Variants in GRIK2 observed in about 807,000 individuals in gnomAD.
GRIK2 encodes the protein glutamate receptor ionotropic, kainate 2.
A neutral mutation model predicts 100.3 loss-of-function variants in GRIK2; 32 were observed. The ratio of observed to expected loss-of-function variants is 0.32; its 90% CI spans 0.24 to 0.43. The LOEUF is 0.43. GRIK2 is among the 20% of genes least tolerant of loss of function. The pLI, the probability that GRIK2 is intolerant of heterozygous loss-of-function variation, is 1.00. For missense variants in GRIK2, 843 were observed against 1,114.9 expected, an observed-to-expected ratio of 0.76 and a Z score of 3.47; for synonymous variants, 417 against 389.4, an observed-to-expected ratio of 1.07 and a Z score of -0.83.
intron 7 of GRIK2, among the ~76,000 whole-genome samples, chr6:101,743,277 T>C (rs886593194): frequency 6.6e-6 from 1 of 152,134 alleles, no homozygotes; most frequent in Non-Finnish European, 1.5e-5. Context: ...ATAAGAAAGT[T>C]AGGAAAAGTT....
chr6:101,744,558 A>ATCTATC lies in GRIK2; in HGVS notation c.952-55088_952-55087insTATCTC, dbSNP rs1554257130. The ATCTATC allele has an allele frequency of 1.0e-3, 115 of 115,004 alleles. 1 individual carries two copies. Among genetic ancestry groups the ATCTATC allele is most frequent in the African/African-American group, 4.0e-3 (108 of 26,982 alleles). 7.1% of individuals were successfully genotyped at this position (115,004 alleles called of 1,614,324 possible). ...TATATATATATATATATATATATAT[A>ATCTATC]TCACAATTTCTTTTTCTTTTTCTTT... On this transcript the variant is annotated intron_variant, in intron 7 of 16. Coordinates refer to ENST00000369134, the MANE Select transcript of GRIK2 (RefSeq NM_021956.5).
intron 2 of GRIK2, among the ~76,000 whole-genome samples, chr6:101,448,277 A>G (rs542148624): frequency 1.3e-5 from 2 of 151,812 alleles, no homozygotes; most frequent in African/African-American, 4.8e-5. Flanking sequence ...TTGATTTCAA[A>G]CATTAAACTG....
chr6:101,416,418 G>A (rs1776143079), intron 2 of GRIK2, among the ~76,000 whole-genome samples: 1 of 152,108 alleles, frequency 6.6e-6, no homozygotes, highest in Non-Finnish European at 1.5e-5. Flanking sequence ...GGTGAGGCTG[G>A]GGCAGGGGAG....
chr6:101,573,594 T>A (rs1412090293), intron 2 of GRIK2, among the ~76,000 whole-genome samples: 1 of 152,186 alleles, frequency 6.6e-6, no homozygotes, highest in African/African-American at 2.4e-5. Context: ...CATTTCTAAA[T>A]CTCTGGGGCT....
chr6:102,066,039 C>T, intron 16 of GRIK2: 1 of 478,268 alleles, frequency 2.1e-6, no homozygotes, highest in Non-Finnish European at 3.5e-6. Flanking sequence ...TAATTTAACA[C>T]ATAATACATA....
intron 11 of GRIK2, among the ~76,000 whole-genome samples, chr6:101,875,756 C>G (rs541456317): frequency 1.3e-5 from 2 of 151,844 alleles, no homozygotes; most frequent in Middle Eastern, 3.4e-3. Context: ...GCAAAGTTAA[C>G]AAGATATTGA....
chr6:101,454,464 G>A (rs1294158572), intron 2 of GRIK2, among the ~76,000 whole-genome samples: 3 of 152,054 alleles, frequency 2.0e-5, no homozygotes, highest in South Asian at 2.1e-4. Flanking sequence ...AGACCTTCCC[G>A]TCAGGGGAAG....
intron 2 of GRIK2, among the ~76,000 whole-genome samples, chr6:101,527,735 TA>T (rs1311822650): frequency 6.6e-6 from 1 of 152,134 alleles, no homozygotes; most frequent in East Asian, 1.9e-4. Context: ...GGCTATACTT[TA>T]GAGGTACAGT....
At chr6:101,803,601 G>A (rs1583181988) in intron 9 of GRIK2, among the ~76,000 whole-genome samples, 1 of 151,794 alleles carries the variant, frequency 6.6e-6, no homozygotes, top group East Asian at 1.9e-4. Flanking sequence ...AGTTGATAAT[G>A]GTAGAATTCA....
At chr6:101,753,181 G>A (rs1776898915) in intron 7 of GRIK2, among the ~76,000 whole-genome samples, 1 of 151,516 alleles carries the variant, frequency 6.6e-6, no homozygotes, top group African/African-American at 2.4e-5. Context: ...ACTTGGAGAG[G>A]CTGAGGCAGG....
At chr6:101,542,531 T>C (rs185265685) in intron 2 of GRIK2, among the ~76,000 whole-genome samples, 359 of 152,270 alleles carry the variant, frequency 2.4e-3, no homozygotes, top group African/African-American at 8.3e-3. Context: ...AGCATCTTCC[T>C]TTAAAACACA....
At chr6:102,025,611 C>A (rs1769652302) in intron 14 of GRIK2, among the ~76,000 whole-genome samples, 1 of 151,108 alleles carries the variant, frequency 6.6e-6, no homozygotes, top group Non-Finnish European at 1.5e-5. Flanking sequence ...TTAAATTGTA[C>A]CCCTAATTAA....
chr6:101,701,497 A>C (rs1235100594), intron 7 of GRIK2, among the ~76,000 whole-genome samples: 1 of 152,128 alleles, frequency 6.6e-6, no homozygotes, highest in Non-Finnish European at 1.5e-5. Flanking sequence ...GCAGCCTTCA[A>C]ATATTTATTC....
intron 16 of GRIK2, among the ~76,000 whole-genome samples, chr6:102,065,350 A>G (rs1435670123): frequency 1.3e-5 from 2 of 151,312 alleles, no homozygotes; most frequent in Admixed American, 6.6e-5. Context: ...TATAAACTTA[A>G]TATTATATGA....
Position 101,626,513 on chromosome 6 carries a change from A to G in GRIK2, c.417A>G (p.Ser139=). Residue 139 remains serine (S), a synonymous_variant, in exon 4 of 17, where the codon TCA becomes TCG. Transcript: ENST00000369134. ...HIQTRWKHQV[S]DNKDSFYVSL... is the part of the protein sequence containing the mutation. ...AGACCCGCTGGAAGCACCAGGTGTC[A>G]GACAACAAAGATTCCTTCTATGTCA... 6.2e-7 allele frequency: 1 copy of G among 1,614,074 alleles called. No homozygotes were observed. Among genetic ancestry groups the G allele is most frequent in the Non-Finnish European group, 8.5e-7 (1 of 1,179,950 alleles).
rs771572345 is a variant in GRIK2, at chr6:102,068,434, A to G, written c.2650A>G (p.Ile884Val). 5.7e-5 allele frequency: 92 copies of G among 1,612,174 alleles called. No individual in the cohort carries two copies. Among genetic ancestry groups the G allele is most frequent in the Non-Finnish European group, 7.4e-5 (87 of 1,178,724 alleles). ...AAAACATAAGCCACAGGCCCCAGTT[A>G]TTGTGAAAACAGAAGAAGTTATCAA... is the stretch of plus-strand genomic sequence containing the variant. ...RLKHKPQAPV[I>V]VKTEEVINMH... is the part of the protein sequence containing the mutation. The change falls in exon 17 of 17, where the codon ATT (isoleucine) becomes GTT (valine). Residue 884 changes from isoleucine (I) to valine (V), a missense_variant. This residue lies in a region of GRIK2 where 87 missense variants were observed against 83.2 expected (regional missense o/e 1.05). Coordinates refer to ENST00000369134, the MANE Select transcript of GRIK2 (RefSeq NM_021956.5).
chr6:101,922,437 C>T (rs547856967), intron 12 of GRIK2, among the ~76,000 whole-genome samples: 75 of 152,194 alleles, frequency 4.9e-4, no homozygotes, highest in Non-Finnish European at 9.4e-4. Flanking sequence ...CTAAATCTAG[C>T]TTTTATAGAC....
At chr6:101,595,712 G>A (rs1336135443) in intron 2 of GRIK2, among the ~76,000 whole-genome samples, 1,332 of 130,784 alleles carry the variant, frequency 0.01, 20 homozygotes, top group African/African-American at 0.039. Flanking sequence ...GTGTGTGTGT[G>A]TGTGTGTATA....
intron 14 of GRIK2, among the ~76,000 whole-genome samples, chr6:101,966,082 T>C (rs1235085811): frequency 1.3e-5 from 2 of 152,138 alleles, no homozygotes; most frequent in African/African-American, 4.8e-5. Context: ...ACAAATAATC[T>C]GTAAATTTTC....
Sources: allele counts gnomAD v4.1 joint callset (sites outside exome capture counted in the v4.1 genomes callset), GRCh38; gene constraint gnomAD v4.1.1; regional missense constraint gnomAD v4.1.1; transcripts MANE v1.5; gene names NCBI Gene and HGNC (gene_info 2026-07-23, HGNC 2026-07-21).